Variants in LRRFIP2 observed in about 807,000 individuals in gnomAD.
The protein encoded by LRRFIP2 is leucine-rich repeat flightless-interacting protein 2.
Under a neutral mutation model 125.9 loss-of-function variants are expected in LRRFIP2, and 109 were observed. That is an observed-to-expected ratio of 0.87 (90% CI 0.74 to 1.01). LRRFIP2 has a LOEUF of 1.01. Ranked by LOEUF, LRRFIP2 falls within the 50% of genes least tolerant of loss-of-function variation. LRRFIP2 has a pLI of 0.00. For synonymous variants in LRRFIP2, 291 were observed against 293.1 expected (o/e 0.99, Z 0.07); for missense variants, 850 against 862.3 (o/e 0.99, Z 0.18).
chr3:37,121,617 G>A lies in LRRFIP2; in HGVS notation c.285+18C>T, dbSNP rs759775006. On this transcript the variant is annotated intron_variant, in intron 5 of 27. Transcript: ENST00000336686. ...ATGAGGAAAAGTATTAGAGGCAAGT[G>A]TATAGGTTATTACAAACCAGATAAG... is the stretch of plus-strand genomic sequence containing the variant. 24 of 1,613,848 alleles carry A rather than the reference G, an allele frequency of 1.5e-5. No individual in the cohort carries two copies. The highest frequency in any genetic ancestry group is 2.2e-5 in the East Asian group (1 of 44,880).
chr3:37,166,648 A>G (rs2096495425), intron 1 of LRRFIP2, among the ~76,000 whole-genome samples: 1 of 151,924 alleles, frequency 6.6e-6, no homozygotes, highest in African/African-American at 2.4e-5. Context: ...GCTCGAGCCC[A>G]GGAGTTGGAG....
chr3:37,163,022 C>T (rs2096387591), intron 1 of LRRFIP2, among the ~76,000 whole-genome samples: 2 of 152,228 alleles, frequency 1.3e-5, no homozygotes, highest in African/African-American at 4.8e-5. Flanking sequence ...CTCTCCCAAT[C>T]ACATTTCTTC....
chr3:37,063,906 C>G, intron 23 of LRRFIP2, 115 bp from the exon 24 acceptor site: 1 of 748,498 alleles, frequency 1.3e-6, no homozygotes, highest in Non-Finnish European at 2.4e-6. Flanking sequence ...ACATTACTTA[C>G]AGCTCTGAAT....
intron 3 of LRRFIP2, among the ~76,000 whole-genome samples, chr3:37,128,348 C>T (rs146611274): frequency 2.0e-5 from 3 of 152,208 alleles, no homozygotes; most frequent in Non-Finnish European, 4.4e-5. Flanking sequence ...TTTTCAGGAC[C>T]AAGTCAATGT....
At chr3:37,133,894 TTA>T (rs1315775683) in intron 2 of LRRFIP2, among the ~76,000 whole-genome samples, 1 of 152,218 alleles carries the variant, frequency 6.6e-6, no homozygotes, top group Admixed American at 6.5e-5. Flanking sequence ...TTAAATACTT[TTA>T]GAGTCTTTCG....
At chr3:37,149,136 T>C (rs2095939647) in intron 1 of LRRFIP2, 98 bp from the exon 2 acceptor site, 10 of 917,980 alleles carry the variant, frequency 1.1e-5, no homozygotes, top group Non-Finnish European at 6.2e-6. Context: ...AGTCACCAAA[T>C]ACCTCTTCCC....
chr3:37,072,065 C>T (rs2091291133), intron 21 of LRRFIP2, among the ~76,000 whole-genome samples: 1 of 152,138 alleles, frequency 6.6e-6, no homozygotes, highest in South Asian at 2.1e-4. Flanking sequence ...TAATCTCTTC[C>T]TATTTTATAC....
At chr3:37,132,907 A>T (rs996703730) in intron 2 of LRRFIP2, among the ~76,000 whole-genome samples, 1 of 152,210 alleles carries the variant, frequency 6.6e-6, no homozygotes, top group Non-Finnish European at 1.5e-5. Context: ...TATAACAATA[A>T]AGGACAACCA....
chr3:37,153,003 A>G (rs1305205952), intron 1 of LRRFIP2, among the ~76,000 whole-genome samples: 1 of 152,252 alleles, frequency 6.6e-6, no homozygotes, highest in East Asian at 1.9e-4. Context: ...TTTGGCTGGA[A>G]GTATATCAAT....
intron 20 of LRRFIP2, 69 bp from the exon 21 acceptor site, chr3:37,072,951 G>T: frequency 9.9e-7 from 1 of 1,008,054 alleles, no homozygotes; most frequent in Non-Finnish European, 1.5e-6. Context: ...TTTGAGGGAG[G>T]AAACAAAAAT....
rs1461303580 is a variant in LRRFIP2 at position 37,139,103 on chromosome 3, G to T, written c.90+9791C>A. ...GGATGATTTATGTCCTGTGCAGGAT[G>T]ATGTGAGATTTAATCATGCTACTCA... On this transcript the variant is annotated intron_variant, in intron 2 of 27. Coordinates refer to ENST00000336686, the MANE Select transcript of LRRFIP2 (RefSeq NM_006309.4). 2.0e-5 allele frequency among the ~76,000 whole-genome samples: 3 copies of T among 152,308 alleles called. 1 individual carries two copies. The Middle Eastern group carries it at 0.01, about 518-fold the overall frequency.
At chr3:37,133,167 G>A (rs560663453) in intron 2 of LRRFIP2, among the ~76,000 whole-genome samples, 1 of 152,220 alleles carries the variant, frequency 6.6e-6, no homozygotes, top group Non-Finnish European at 1.5e-5. Context: ...AGAGGTTACA[G>A]TGAGCCAAGA....
Position 37,102,936 on chromosome 3 carries a change from T to C in LRRFIP2, c.861A>G (p.Pro287=). ...GCAATACACTCACGCTGGACAAATC[T>C]GGGATACTGATATCATCCACCTCAG... is the stretch of plus-strand genomic sequence containing the variant. ...VVSEVDDISI[P]DLSSLDEKSD... The change falls in exon 15 of 28, where the codon CCA becomes CCG. Residue 287 remains proline, a synonymous_variant. Transcript: ENST00000336686. 1 of 1,560,256 alleles carries C rather than the reference T, an allele frequency of 6.4e-7. No individual in the cohort carries two copies. The highest frequency in any genetic ancestry group is 8.7e-7 in the Non-Finnish European group (1 of 1,150,390).
At chr3:37,125,957 T>C (rs1262417466) in intron 4 of LRRFIP2, among the ~76,000 whole-genome samples, 1 of 152,198 alleles carries the variant, frequency 6.6e-6, no homozygotes, top group Non-Finnish European at 1.5e-5. Context: ...TTTTTTTCTT[T>C]TTCTTTTTAT....
upstream of LRRFIP2, chr3:37,175,160 T>C (rs2096640753): frequency 1.3e-5 from 2 of 152,256 alleles, no homozygotes; most frequent in South Asian, 4.1e-4. Flanking sequence ...TATACATCCA[T>C]ACCCCGCTCT....
chr3:37,172,999 T>C (rs1238483082), intron 1 of LRRFIP2: 1 of 152,196 alleles, frequency 6.6e-6, no homozygotes, highest in East Asian at 1.9e-4. Context: ...GAAGCCATCC[T>C]GGCTAACAGG....
At chr3:37,129,669 T>C (rs2095375775) in intron 2 of LRRFIP2, among the ~76,000 whole-genome samples, 1 of 152,176 alleles carries the variant, frequency 6.6e-6, no homozygotes, top group Admixed American at 6.5e-5. Flanking sequence ...TGAGACAGAA[T>C]TCACATATCA....
intron 1 of LRRFIP2, among the ~76,000 whole-genome samples, chr3:37,153,007 T>C (rs770693277): frequency 2.0e-5 from 3 of 152,202 alleles, no homozygotes; most frequent in Admixed American, 6.5e-5. Flanking sequence ...GCTGGAAGTA[T>C]ATCAATAGTT....
intron 1 of LRRFIP2, among the ~76,000 whole-genome samples, chr3:37,161,576 A>C (rs2096346283): frequency 6.6e-6 from 1 of 152,168 alleles, no homozygotes; most frequent in Non-Finnish European, 1.5e-5. Flanking sequence ...ATGGAGAGTG[A>C]CTGCTATGGT....
Sources: gnomAD v4.1 joint callset for allele counts (sites outside exome capture counted in the v4.1 genomes callset) on GRCh38, gnomAD v4.1.1 for gene constraint, MANE v1.5 for transcripts, NCBI Gene and HGNC (gene_info 2026-07-23, HGNC 2026-07-21) for gene names.